NALCN: variants seen among roughly 807,000 people sequenced by gnomAD.
The protein encoded by NALCN is sodium leak channel, non-selective.
Under a neutral mutation model 225.3 loss-of-function variants are expected in NALCN, and 111 were observed. The ratio of observed to expected loss-of-function variants is 0.49; its 90% CI spans 0.42 to 0.58. The LOEUF (loss-of-function observed/expected upper bound fraction) is 0.58, where lower values mean the gene tolerates loss of function less well. Among genes scored for constraint, NALCN ranks in the 20% least tolerant of loss-of-function variants. The probability of loss-of-function intolerance (pLI) is 0.00; values close to 1 mark genes in which losing one functional copy is unlikely to be tolerated. For synonymous variants in NALCN, 764 were observed against 769.0 expected (o/e 0.99, Z 0.11); for missense variants, 1,378 against 2,202.4 (o/e 0.63, Z 7.49).
chr13:101,165,517 C>T (rs538033143), intron 15 of NALCN, among the ~76,000 whole-genome samples: 10 of 152,156 alleles, frequency 6.6e-5, no homozygotes, highest in South Asian at 2.1e-4. Flanking sequence ...TTGCCCAGGC[C>T]GAAATGTAAT....
At chr13:101,334,180 G>A (rs951193830) in intron 7 of NALCN, among the ~76,000 whole-genome samples, 12 of 144,802 alleles carry the variant, frequency 8.3e-5, no homozygotes, top group African/African-American at 2.1e-4. Context: ...AGGCACGCAC[G>A]TGTGCACACA....
intron 15 of NALCN, among the ~76,000 whole-genome samples, chr13:101,154,857 T>A (rs2037828337): frequency 6.6e-6 from 1 of 152,154 alleles, no homozygotes; most frequent in Non-Finnish European, 1.5e-5. Flanking sequence ...CTGGCAAAGA[T>A]GAAAGAGGAG....
chr13:101,386,833 T>C (rs1410453646), intron 3 of NALCN, among the ~76,000 whole-genome samples: 4 of 150,172 alleles, frequency 2.7e-5, no homozygotes, highest in African/African-American at 9.8e-5. Flanking sequence ...TTTAAAGAAC[T>C]GTGCATGACA....
chr13:101,395,120 T>C, intron 3 of NALCN, 63 bp downstream of exon 3: 2 of 1,455,132 alleles, frequency 1.4e-6, no homozygotes, highest in Non-Finnish European at 1.8e-6. Context: ...GAAAATATGA[T>C]TAAAGGGATT....
At chr13:101,322,806 G>A (rs572025113) in intron 7 of NALCN, among the ~76,000 whole-genome samples, 53 of 151,894 alleles carry the variant, frequency 3.5e-4, no homozygotes, top group African/African-American at 1.0e-3. Context: ...TCTGCCTCCC[G>A]GGTTCAAACA....
At chr13:101,349,784 T>C (rs1429084606) in intron 6 of NALCN, among the ~76,000 whole-genome samples, 2 of 152,190 alleles carry the variant, frequency 1.3e-5, no homozygotes, top group Non-Finnish European at 2.9e-5. Flanking sequence ...CTTTACATCG[T>C]TGTAGAGTCT....
chr13:101,102,314 A>T, intron 26 of NALCN, among the ~76,000 whole-genome samples: 1 of 152,208 alleles, frequency 6.6e-6, no homozygotes, highest in South Asian at 2.1e-4. Context: ...CAGTAATGAT[A>T]TATATACCTC....
chr13:101,266,718 C>A (rs569585219), intron 10 of NALCN, among the ~76,000 whole-genome samples: 1 of 152,112 alleles, frequency 6.6e-6, no homozygotes, highest in Non-Finnish European at 1.5e-5. Context: ...TTCTCAGAAA[C>A]CATCTTGCAT....
intron 7 of NALCN, among the ~76,000 whole-genome samples, chr13:101,312,821 GA>G (rs1238208607): frequency 6.6e-6 from 1 of 151,988 alleles, no homozygotes; most frequent in Non-Finnish European, 1.5e-5. Flanking sequence ...CACAGAACTG[GA>G]AAAAACTACT....
At chr13:101,336,791 T>G (rs913261660) in intron 7 of NALCN, among the ~76,000 whole-genome samples, 11 of 152,204 alleles carry the variant, frequency 7.2e-5, no homozygotes, top group African/African-American at 2.4e-4. Context: ...AAAGCAAATT[T>G]AAATATTCAT....
intron 6 of NALCN, among the ~76,000 whole-genome samples, chr13:101,365,124 G>A (rs570720200): frequency 6.0e-4 from 91 of 152,192 alleles, no homozygotes; most frequent in African/African-American, 2.0e-3. Flanking sequence ...CGAGCGTGGC[G>A]TACAGATTGT....
intron 13 of NALCN, among the ~76,000 whole-genome samples, chr13:101,227,536 A>G (rs141506505): frequency 5.9e-5 from 9 of 152,238 alleles, no homozygotes; most frequent in Non-Finnish European, 1.3e-4. Flanking sequence ...GTGAATTAAG[A>G]TTTCCATGTG....
In NALCN at chr13:101,399,207, G is replaced by A. The variant is rs554631234; in HGVS notation, c.-39-42C>T. The A allele has an allele frequency of 1.5e-4, 229 of 1,513,402 alleles. 1 individual carries two copies. The African/African-American group carries it at 2.9e-3, about 19-fold the overall frequency. The allele number at this position is 1,513,402 out of a possible 1,614,324, so 93.7% of individuals were successfully genotyped here. Reference sequence around the variant, plus strand: ...TTGTATTTGTCATCTAAACCATCTTGCCCTCATCAAAAAATTGAGTTCCCC... The same window carrying A: ...TTGTATTTGTCATCTAAACCATCTTACCCTCATCAAAAAATTGAGTTCCCC... On this transcript the variant is annotated intron_variant, in intron 1 of 43. Coordinates refer to ENST00000251127, the MANE Select transcript of NALCN (RefSeq NM_052867.4).
chr13:101,068,659 TTAAAGAG>T (rs1181576615), intron 38 of NALCN, 29 bp downstream of exon 38: 2 of 1,527,306 alleles, frequency 1.3e-6, no homozygotes, highest in Non-Finnish European at 1.8e-6. Context: ...GTACCTGAGT[TTAAAGAG>T]TAAAAAGTAT....
intron 14 of NALCN, among the ~76,000 whole-genome samples, chr13:101,182,759 T>C (rs1263025535): frequency 6.6e-6 from 1 of 152,146 alleles, no homozygotes; most frequent in Non-Finnish European, 1.5e-5. Context: ...TTTGGCTGTG[T>C]CTTTGCAATG....
rs538323684 is a variant in NALCN at position 101,326,748 on chromosome 13, G to A, written c.799+18518C>T. Among the ~76,000 whole-genome samples the A allele has an allele frequency of 2.6e-4, 40 of 152,300 alleles. No individual in the cohort carries two copies. In the South Asian group the frequency reaches 5.2e-3, roughly 20 times the overall value. ...TAAAGCATCTGCTATTTATTGGCCC[G>A]TGGTTCTGCAGAAGGCAATTTGGGC... On this transcript the variant is annotated intron_variant, in intron 7 of 43. Coordinates refer to ENST00000251127, the MANE Select transcript of NALCN (RefSeq NM_052867.4).
At chr13:101,194,398 C>T (rs969667480) in intron 13 of NALCN, among the ~76,000 whole-genome samples, 7 of 152,102 alleles carry the variant, frequency 4.6e-5, no homozygotes, top group African/African-American at 1.7e-4. Context: ...AAAGGTAGTG[C>T]CAACAAATAC....
At chr13:101,255,454 G>A (rs1232883104) in intron 11 of NALCN, among the ~76,000 whole-genome samples, 1 of 152,014 alleles carries the variant, frequency 6.6e-6, no homozygotes, top group Non-Finnish European at 1.5e-5. Context: ...TGCCCACCCT[G>A]TGCTAGATCA....
chr13:101,107,216 G>A (rs529632699), intron 22 of NALCN, among the ~76,000 whole-genome samples: 23 of 152,290 alleles, frequency 1.5e-4, no homozygotes, highest in African/African-American at 2.2e-4. Flanking sequence ...TAATAATGCC[G>A]ATATAAGTGT....
Sources: allele counts gnomAD v4.1 joint callset (sites outside exome capture counted in the v4.1 genomes callset), GRCh38; gene constraint gnomAD v4.1.1; transcripts MANE v1.5; gene names NCBI Gene and HGNC (gene_info 2026-07-23, HGNC 2026-07-21).